The following STK32B variants were observed in gnomAD, a reference collection of about 807,000 sequenced individuals.
STK32B encodes serine/threonine kinase 32B, also known as serine/threonine-protein kinase 32B.
Under a neutral mutation model 52.6 loss-of-function variants are expected in STK32B, and 43 were observed. The observed-to-expected ratio is 0.82, with a 90% CI of 0.64 to 1.05. The LOEUF (loss-of-function observed/expected upper bound fraction) is 1.05, where lower values mean the gene tolerates loss of function less well. Among genes scored for constraint, STK32B ranks in the 50% least tolerant of loss-of-function variants. The pLI is 0.00. For synonymous variants in STK32B, 238 were observed against 204.3 expected (o/e 1.17, Z -1.41); for missense variants, 621 against 534.6 (o/e 1.16, Z -1.59).
chr4:5,376,386 ACTTTCTCTCTCTCT>A (rs1030050919), intron 4 of STK32B, among the ~76,000 whole-genome samples: 2 of 151,942 alleles, frequency 1.3e-5, no homozygotes, highest in South Asian at 2.1e-4. Flanking sequence ...CTGCCAGGAC[ACTTTCTCTCTCTCT>A]CTTTCTCTCT....
At position 5,154,548 on chromosome 4, in the gene STK32B, G is replaced by A. The variant is rs150757461; in HGVS notation, c.109-13751G>A. ...TGTCTTCTTGAAGCCAGCATGGCTA[G>A]GATTTTACTTGGCTTGGTGGGTTCT... On this transcript the variant is annotated intron_variant, in intron 2 of 11. Coordinates refer to ENST00000282908, the MANE Select transcript of STK32B (RefSeq NM_018401.3). Among the ~76,000 whole-genome samples, 723 of 152,304 alleles carry A rather than the reference G, an allele frequency of 4.7e-3. 9 individuals are homozygous for A. Among genetic ancestry groups the A allele is most frequent in the Non-Finnish European group, 2.6e-3 (177 of 68,034 alleles).
intron 4 of STK32B, among the ~76,000 whole-genome samples, chr4:5,353,026 CCAAAA>C (rs1258794165): frequency 6.6e-6 from 1 of 151,984 alleles, no homozygotes; most frequent in Non-Finnish European, 1.5e-5. Flanking sequence ...GCTATTATAA[CCAAAA>C]CAGTATATTT....
chr4:5,140,806 A>G (rs1716385946), intron 2 of STK32B, among the ~76,000 whole-genome samples: 1 of 152,190 alleles, frequency 6.6e-6, no homozygotes, highest in Admixed American at 6.5e-5. Flanking sequence ...ATGCATACTA[A>G]TTGCATGCAA....
intron 3 of STK32B, among the ~76,000 whole-genome samples, chr4:5,181,329 G>GACACACATACACACACGC (rs777338742): frequency 1.4e-5 from 2 of 138,020 alleles, no homozygotes; most frequent in African/African-American, 5.3e-5. Flanking sequence ...TGGAGAGTGA[G>GACACACATACACACACGC]ACACACACAC....
intron 4 of STK32B, among the ~76,000 whole-genome samples, chr4:5,370,118 G>A (rs1470793699): frequency 2.6e-5 from 4 of 151,484 alleles, no homozygotes; most frequent in South Asian, 2.1e-4. Context: ...CAGGTGATCC[G>A]CCTGCCTCGG....
chr4:5,280,744 A>C (rs28857180), intron 3 of STK32B, among the ~76,000 whole-genome samples: 5 of 151,838 alleles, frequency 3.3e-5, no homozygotes, highest in African/African-American at 1.2e-4. Flanking sequence ...AAAACACACA[A>C]AAAAATTAGC....
chr4:5,081,513 A>G (rs908700606), intron 1 of STK32B, among the ~76,000 whole-genome samples: 3 of 151,828 alleles, frequency 2.0e-5, no homozygotes, highest in Non-Finnish European at 1.5e-5. Context: ...TAGTCCATCT[A>G]TTATTTCTGT....
intron 3 of STK32B, among the ~76,000 whole-genome samples, chr4:5,225,386 G>A (rs1723796226): frequency 6.6e-6 from 1 of 152,054 alleles, no homozygotes; most frequent in African/African-American, 2.4e-5. Context: ...CAGCCTGGGT[G>A]ACAGAGTAAG....
Position 5,088,941 on chromosome 4 carries a change from G to A in STK32B, c.52+37026G>A, listed in dbSNP as rs116676230. Among the ~76,000 whole-genome samples, 105 of 151,398 alleles carry A rather than the reference G, an allele frequency of 6.9e-4. 1 individual carries two copies. Among genetic ancestry groups the A allele is most frequent in the South Asian group, 1.9e-3 (9 of 4,800 alleles). On this transcript the variant is annotated intron_variant, in intron 1 of 11. Transcript: ENST00000282908. ...ACAAGCAGAAGAAAGGAAATGCTACGAATTAGAATGGAAATAAAGGAACTA... is the reference window on the plus strand; with the variant it reads ...ACAAGCAGAAGAAAGGAAATGCTACAAATTAGAATGGAAATAAAGGAACTA...
chr4:5,166,918 T>C (rs1446050001), intron 2 of STK32B, among the ~76,000 whole-genome samples: 1 of 152,074 alleles, frequency 6.6e-6, no homozygotes. Context: ...CAATCCTTGC[T>C]AACTGTCCAA....
the STK32B span, among the ~76,000 whole-genome samples, chr4:5,026,350 G>A: frequency 1.3e-5 from 2 of 152,178 alleles, no homozygotes; most frequent in South Asian, 4.1e-4. Flanking sequence ...CCAAGACTGG[G>A]TAATTTATAG....
rs1316448819 is a variant in STK32B at position 5,441,132 on chromosome 4, G to A, written c.563-5541G>A. 2.7e-5 allele frequency among the ~76,000 whole-genome samples: 4 copies of A among 148,810 alleles called. No homozygotes were observed. In the East Asian group the frequency reaches 6.0e-4, roughly 22 times the overall value. On this transcript the variant is annotated intron_variant, in intron 6 of 11. Coordinates refer to ENST00000282908, the MANE Select transcript of STK32B (RefSeq NM_018401.3). ...ATGCTGGCCTCATAAAATGAGTTAG[G>A]GAGGATTCCCTCTTTTTCTATTGAT...
intron 4 of STK32B, among the ~76,000 whole-genome samples, chr4:5,343,266 A>T (rs1178917146): frequency 3.3e-5 from 5 of 152,070 alleles, no homozygotes; most frequent in Non-Finnish European, 1.5e-5. Context: ...ATGTCCCTAC[A>T]AAGGACATGA....
At chr4:5,335,638 G>A (rs565642891) in intron 4 of STK32B, among the ~76,000 whole-genome samples, 83 of 151,700 alleles carry the variant, frequency 5.5e-4, no homozygotes, top group South Asian at 2.1e-3. Context: ...TTCCCTCTAC[G>A]CACTGCTTTG....
At chr4:5,197,179 G>T (rs1721746444) in intron 3 of STK32B, among the ~76,000 whole-genome samples, 1 of 152,168 alleles carries the variant, frequency 6.6e-6, no homozygotes, top group African/African-American at 2.4e-5. Context: ...TGGAGACTGT[G>T]GCTAGCAAAG....
At chr4:5,095,984 G>T (rs993118059) in intron 1 of STK32B, among the ~76,000 whole-genome samples, 1 of 152,110 alleles carries the variant, frequency 6.6e-6, no homozygotes, top group East Asian at 1.9e-4. Context: ...AATTCTACTG[G>T]ATATTATATT....
At chr4:5,120,916 T>C (rs1303097293) in intron 1 of STK32B, among the ~76,000 whole-genome samples, 1 of 151,882 alleles carries the variant, frequency 6.6e-6, no homozygotes, top group Non-Finnish European at 1.5e-5. Flanking sequence ...CGTTTAAGAA[T>C]ATTTGGTTTT....
At position 5,467,353 on chromosome 4, in the gene STK32B, G is replaced by A. The variant is rs73794607; in HGVS notation, c.1041+519G>A. On this transcript the variant is annotated intron_variant, in intron 10 of 11. Transcript: ENST00000282908. The surrounding 1 kb of genome is among the most constrained non-coding windows in gnomAD (Gnocchi z 5.8). ...GGCCGTCCTTGGCTCCCCAGGCTTC[G>A]AGTGGCGGCCGGCCCCCTTGTCCTT... Among the ~76,000 whole-genome samples, 105 of 152,272 alleles carry A rather than the reference G, an allele frequency of 6.9e-4. No individual in the cohort carries two copies. Among genetic ancestry groups the A allele is most frequent in the African/African-American group, 2.5e-3 (102 of 41,568 alleles).
At chr4:5,121,560 C>T (rs990395897) in intron 1 of STK32B, among the ~76,000 whole-genome samples, 2 of 152,138 alleles carry the variant, frequency 1.3e-5, no homozygotes, top group African/African-American at 4.8e-5. Context: ...GCAGTAATCA[C>T]AATTATGATA....
Sources: gnomAD v4.1 joint callset for allele counts (sites outside exome capture counted in the v4.1 genomes callset) on GRCh38, gnomAD v4.1.1 for gene constraint, Gnocchi (gnomAD v3.1) non-coding constraint, MANE v1.5 for transcripts, NCBI Gene and HGNC (gene_info 2026-07-23, HGNC 2026-07-21) for gene names.